The following UBAP2 variants were observed in gnomAD, a reference collection of about 807,000 sequenced individuals.
UBAP2 encodes ubiquitin associated protein 2, also known as ubiquitin-associated protein 2.
In UBAP2, 75 loss-of-function variants were observed where a neutral mutation model predicts 139.6. The observed-to-expected ratio is 0.54, with a 90% CI of 0.45 to 0.65. The LOEUF (loss-of-function observed/expected upper bound fraction) is 0.65. Ranked by LOEUF, UBAP2 falls within the 30% of genes least tolerant of loss-of-function variation. UBAP2 has a pLI of 0.00. For missense variants in UBAP2, 1,368 were observed against 1,369.6 expected, an observed-to-expected ratio of 1.00 and a Z score of 0.02; for synonymous variants, 526 against 526.2, an observed-to-expected ratio of 1.00 and a Z score of 0.01.
chr9:33,928,894 G>C (rs1823721831), intron 19 of UBAP2: 1 of 152,442 alleles, frequency 6.6e-6, no homozygotes, highest in Admixed American at 6.5e-5. Flanking sequence ...CAACCTGCCT[G>C]CGCAGACTAA....
intron 1 of UBAP2, among the ~76,000 whole-genome samples, chr9:34,037,179 G>A (rs946976208): frequency 1.3e-5 from 2 of 151,920 alleles, no homozygotes; most frequent in East Asian, 1.9e-4. Flanking sequence ...TAATAGAGAC[G>A]GGGTTTCACC....
intron 15 of UBAP2, among the ~76,000 whole-genome samples, chr9:33,943,121 T>C (rs189999650): frequency 1.3e-5 from 2 of 152,166 alleles, no homozygotes; most frequent in South Asian, 4.1e-4. Flanking sequence ...ACATTAAACA[T>C]GGGTGTACCT....
chr9:34,034,426 G>C (rs1187435664), intron 1 of UBAP2, among the ~76,000 whole-genome samples: 1 of 152,214 alleles, frequency 6.6e-6, no homozygotes, highest in East Asian at 1.9e-4. Flanking sequence ...GTTACCTAAA[G>C]AATGTATCTA....
intron 16 of UBAP2, among the ~76,000 whole-genome samples, chr9:33,938,364 C>G (rs931411195): frequency 1.1e-4 from 17 of 152,076 alleles, no homozygotes; most frequent in Non-Finnish European, 1.9e-4. Flanking sequence ...CTCCTGACCT[C>G]AAGCAATCCA....
At chr9:33,941,593 A>G (rs1436762121) in intron 16 of UBAP2, 56 bp downstream of exon 16, 41 of 1,435,444 alleles carry the variant, frequency 2.9e-5, no homozygotes, top group Non-Finnish European at 3.9e-5. Context: ...TTAACCAAAC[A>G]TTAATTTCCA....
At chr9:34,026,788 T>C (rs1333036775) in intron 1 of UBAP2, among the ~76,000 whole-genome samples, 2 of 152,190 alleles carry the variant, frequency 1.3e-5, no homozygotes, top group African/African-American at 2.4e-5. Flanking sequence ...AGCTAGTAAG[T>C]GGTGAAGGCA....
At chr9:33,973,007 T>C (rs186768909) in intron 7 of UBAP2, among the ~76,000 whole-genome samples, 176 bp downstream of exon 7, 200 of 152,338 alleles carry the variant, frequency 1.3e-3, no homozygotes, top group Admixed American at 4.1e-3. Context: ...CCTGCTCTAA[T>C]GCCTGTTTAA....
intron 2 of UBAP2, among the ~76,000 whole-genome samples, chr9:34,008,574 CA>C (rs1169968195): frequency 6.6e-6 from 1 of 151,520 alleles, no homozygotes; most frequent in East Asian, 1.9e-4. Context: ...GACCCCGTCT[CA>C]AAAATGTAAT....
At chr9:34,039,802 CAAATCCCCCTCTGCGAG>C (rs1181697691) in intron 1 of UBAP2, among the ~76,000 whole-genome samples, 1 of 127,754 alleles carries the variant, frequency 7.8e-6, no homozygotes, top group Non-Finnish European at 1.6e-5. Context: ...ATGACCCTGC[CAAATCCCCCTCTGCGAG>C]AAACACCCAA....
At chr9:33,951,452 T>C (rs1036110431) in intron 12 of UBAP2, among the ~76,000 whole-genome samples, 1 of 150,192 alleles carries the variant, frequency 6.7e-6, no homozygotes, top group African/African-American at 2.5e-5. Context: ...GTTCAAGTGA[T>C]TCTCTTGACT....
rs779275162 is a variant in UBAP2 at position 33,923,362 on chromosome 9, TG to T, written c.2896+16del. ...CTGTCTAACCCCATGTGTCTCTGTC[TG>T]GGAAGTACCCCTCACCTGTACTGTA... On this transcript the variant is annotated intron_variant, in intron 25 of 28. Coordinates refer to ENST00000379238, the MANE Select transcript of UBAP2 (RefSeq NM_001370062.2). 2.0e-5 allele frequency: 33 copies of T among 1,613,958 alleles called. No homozygotes were observed. The African/African-American group carries it at 2.5e-4, about 12-fold the overall frequency.
At chr9:33,956,184 T>G in intron 10 of UBAP2, 38 bp from the exon 11 acceptor site, 1 of 1,528,160 alleles carries the variant, frequency 6.5e-7, no homozygotes, top group Non-Finnish European at 9.1e-7. Context: ...TTATTCTACA[T>G]ACTACTAAAC....
At chr9:33,990,421 T>G (rs970404710) in intron 4 of UBAP2, among the ~76,000 whole-genome samples, 1 of 152,194 alleles carries the variant, frequency 6.6e-6, no homozygotes, top group East Asian at 1.9e-4. Flanking sequence ...ATATCTGGTC[T>G]TCTGCAAAGC....
Position 34,016,318 on chromosome 9 carries a change from AAGGAGGAAGAGGAGG to A in UBAP2, c.99+717_99+731del, listed in dbSNP as rs1353259325. Among the ~76,000 whole-genome samples the A allele has an allele frequency of 8.0e-3, 427 of 53,576 alleles. 7 individuals are homozygous for A. Among genetic ancestry groups the A allele is most frequent in the African/African-American group, 0.022 (395 of 17,940 alleles). The allele number at this position is 53,576 out of a possible 152,430, so 35.1% of individuals were successfully genotyped here. ...GGAAGAGGAGGAAGAGGAGGAAGAG[AAGGAGGAAGAGGAGG>A]AGGAGGAAGAGGAGGAGGCAGCAGC... On this transcript the variant is annotated intron_variant, in intron 2 of 28. Coordinates refer to ENST00000379238, the MANE Select transcript of UBAP2 (RefSeq NM_001370062.2).
At chr9:33,959,085 C>T (rs1303253773) in intron 10 of UBAP2, among the ~76,000 whole-genome samples, 1 of 151,758 alleles carries the variant, frequency 6.6e-6, no homozygotes. Flanking sequence ...GAGGCGGAGG[C>T]TGCAGTGAGC....
intron 1 of UBAP2, among the ~76,000 whole-genome samples, chr9:34,042,889 T>C (rs148682128): frequency 4.3e-4 from 65 of 151,982 alleles, no homozygotes; most frequent in African/African-American, 1.5e-3. Context: ...CTGGGCAACA[T>C]AGCAAGACTC....
intron 6 of UBAP2, among the ~76,000 whole-genome samples, chr9:33,980,536 C>T (rs558692251): frequency 1.6e-4 from 24 of 151,814 alleles, no homozygotes; most frequent in East Asian, 9.7e-4. Flanking sequence ...CCACCGCACC[C>T]GGCGAGCGTC....
At chr9:33,957,395 G>A (rs1400594538) in intron 10 of UBAP2, among the ~76,000 whole-genome samples, 1 of 152,174 alleles carries the variant, frequency 6.6e-6, no homozygotes, top group South Asian at 2.1e-4. Context: ...ACCTGTCCCT[G>A]TGGAATCACT....
intron 11 of UBAP2, among the ~76,000 whole-genome samples, chr9:33,955,649 A>T (rs542147818): frequency 6.6e-6 from 1 of 151,974 alleles, no homozygotes; most frequent in Non-Finnish European, 1.5e-5. Context: ...ACCAACATGG[A>T]AAAACTGTCT....
Sources: gnomAD v4.1 joint callset for allele counts (sites outside exome capture counted in the v4.1 genomes callset) on GRCh38, gnomAD v4.1.1 for gene constraint, MANE v1.5 for transcripts, NCBI Gene and HGNC (gene_info 2026-07-23, HGNC 2026-07-21) for gene names.